The following PFDN2 variants were observed in gnomAD, a reference collection of about 807,000 sequenced individuals.
PFDN2 encodes prefoldin subunit 2, also known as prefoldin 2.
PFDN2 carries 7 observed loss-of-function variants against 18.3 expected under a neutral mutation model. The observed-to-expected ratio is 0.38, with a 90% CI of 0.22 to 0.72. The LOEUF (loss-of-function observed/expected upper bound fraction) is 0.72, where lower values mean the gene tolerates loss of function less well. PFDN2 is among the 30% of genes least tolerant of loss of function. The pLI, the probability that PFDN2 is intolerant of heterozygous loss-of-function variation, is 0.47. For synonymous variants in PFDN2, 76 were observed against 75.0 expected (o/e 1.01, Z -0.07); for missense variants, 181 against 199.1 (o/e 0.91, Z 0.55).
In PFDN2 at chr1:161,100,735, T is replaced by G. The variant is rs149807446; in HGVS notation, c.413A>C (p.Asn138Thr). Residue 138 changes from asparagine (N) to threonine (T), a missense_variant, in exon 4 of 4, where the codon AAC (asparagine) becomes ACC (threonine). Coordinates refer to ENST00000368010, the MANE Select transcript of PFDN2 (RefSeq NM_012394.4). ...GGCCTTAGCCCCAGCCCCTTCTGAG[T>G]TTTCCTTGGCTGCTGGCTTCTCATC... The part of the protein sequence containing the change: ...GEDEKPAAKE[N>T]SEGAGAKASS... 6.2e-7 allele frequency: 1 copy of G among 1,614,074 alleles called. No individual in the cohort carries two copies. Among genetic ancestry groups the G allele is most frequent in the South Asian group, 1.1e-5 (1 of 91,070 alleles).
intron 1 of PFDN2, among the ~76,000 whole-genome samples, chr1:161,103,726 A>G (rs1654625264): frequency 6.7e-6 from 1 of 149,988 alleles, no homozygotes; most frequent in African/African-American, 2.4e-5. Flanking sequence ...AAAGTTGGTC[A>G]AAGTTGGTTT....
At chr1:161,117,682 C>T (rs1368917234) in intron 1 of PFDN2, among the ~76,000 whole-genome samples, 1 of 152,164 alleles carries the variant, frequency 6.6e-6, no homozygotes, top group Non-Finnish European at 1.5e-5. Flanking sequence ...AAACCATCTC[C>T]CCTCAGACCT....
At position 161,117,985 on chromosome 1, in the gene PFDN2, G is replaced by T. The variant is rs375173230; in HGVS notation, c.42C>A (p.Ser14Arg). The change falls in exon 1 of 4, where the codon AGC (serine) becomes AGA (arginine). Residue 14 changes from serine (S) to arginine (R), a missense_variant. Physicochemically the swap from Ser to Arg is moderately radical, Grantham distance 110. Coordinates refer to ENST00000368010, the MANE Select transcript of PFDN2 (RefSeq NM_012394.4). ...NSGRAGKSSGSGAGKGAVSAE... is the reference protein window; with the variant it reads ...NSGRAGKSSGRGAGKGAVSAE... ...CGGACACCGCCCCCTTCCCCGCGCC[G>T]CTCCCGCTGCTCTTGCCGGCGCGAC... The T allele has an allele frequency of 1.9e-6, 3 of 1,612,272 alleles. No individual in the cohort carries two copies. Among genetic ancestry groups the T allele is most frequent in the South Asian group, 1.1e-5 (1 of 90,950 alleles).
intron 1 of PFDN2, 128 bp downstream of exon 1, chr1:161,117,824 C>A (rs1416154890): frequency 3.5e-6 from 3 of 853,258 alleles, no homozygotes; most frequent in African/African-American, 3.5e-5. Flanking sequence ...TTTCCGGGGA[C>A]CCTTCCCTCT....
At chr1:161,113,294 T>C (rs2101706931) in intron 1 of PFDN2, among the ~76,000 whole-genome samples, 1 of 152,274 alleles carries the variant, frequency 6.6e-6, no homozygotes, top group East Asian at 1.9e-4. Context: ...TCCTTCAGGG[T>C]TCTGCTCAAA....
intron 1 of PFDN2, among the ~76,000 whole-genome samples, chr1:161,112,018 G>A (rs2101706106): frequency 6.6e-6 from 1 of 152,272 alleles, no homozygotes; most frequent in Admixed American, 6.5e-5. Context: ...ACAAGTTAGA[G>A]GAAGGAGCTT....
chr1:161,102,734 C>T (rs992578587), intron 1 of PFDN2, among the ~76,000 whole-genome samples: 2 of 151,912 alleles, frequency 1.3e-5, no homozygotes, highest in African/African-American at 2.4e-5. Context: ...CCAAGGCAGG[C>T]GGATCACAAG....
chr1:161,112,446 G>C (rs1310731540), intron 1 of PFDN2, among the ~76,000 whole-genome samples: 1 of 152,100 alleles, frequency 6.6e-6, no homozygotes, highest in South Asian at 2.1e-4. Flanking sequence ...TTTTAAAGAT[G>C]GGGTCTCCCT....
At chr1:161,113,400 A>G (rs1305401055) in intron 1 of PFDN2, among the ~76,000 whole-genome samples, 1 of 152,238 alleles carries the variant, frequency 6.6e-6, no homozygotes, top group Non-Finnish European at 1.5e-5. Flanking sequence ...ACCTTGGGCA[A>G]GTTAACTAAA....
intron 1 of PFDN2, among the ~76,000 whole-genome samples, chr1:161,113,327 T>C (rs1168187313): frequency 6.6e-6 from 1 of 152,184 alleles, no homozygotes. Context: ...AATCATGGCA[T>C]AAGTGAAAAA....
chr1:161,101,759 C>T (rs1654567281), intron 3 of PFDN2, among the ~76,000 whole-genome samples: 1 of 151,758 alleles, frequency 6.6e-6, no homozygotes, highest in South Asian at 2.1e-4. Flanking sequence ...TTTATGCTGC[C>T]CTCCTTTTAT....
At chr1:161,102,883 G>A (rs558758375) in intron 1 of PFDN2, among the ~76,000 whole-genome samples, 51 of 151,838 alleles carry the variant, frequency 3.4e-4, no homozygotes, top group African/African-American at 1.1e-3. Context: ...ATTTGAACCC[G>A]GGAGGCAGAG....
At chr1:161,108,769 TTA>T (rs1469707523) in intron 1 of PFDN2, among the ~76,000 whole-genome samples, 4 of 152,156 alleles carry the variant, frequency 2.6e-5, no homozygotes, top group Non-Finnish European at 5.9e-5. Context: ...AATATCATGA[TTA>T]TATCTCTTCT....
intron 1 of PFDN2, 144 bp downstream of exon 1, chr1:161,117,808 C>T (rs137945835): frequency 3.4e-5 from 25 of 738,474 alleles, no homozygotes; most frequent in South Asian, 3.1e-4. Flanking sequence ...AGGGGTTCGG[C>T]TAGCTTTTCC....
At chr1:161,102,247 C>T (rs1009866418) in intron 2 of PFDN2, 40 bp downstream of exon 2, 10 of 1,610,944 alleles carry the variant, frequency 6.2e-6, no homozygotes, top group African/African-American at 1.3e-5. Flanking sequence ...GAGTAGCCCA[C>T]ACAACTGTCC....
rs766720552 is a variant in PFDN2, at chr1:161,118,014, T to C, written c.13A>G (p.Ser5Gly). 1.4e-5 allele frequency: 22 copies of C among 1,612,034 alleles called. No individual in the cohort carries two copies. The East Asian group carries it at 3.8e-4, about 28-fold the overall frequency. MAEN[S>G]GRAGKSSGSG... ...CCGCTGCTCTTGCCGGCGCGACCGC[T>C]GTTCTCCGCCATCTTCGCCGCCTGC... The change falls in exon 1 of 4, where the codon AGC becomes GGC. Residue 5 changes from serine to glycine, a missense_variant. Coordinates refer to ENST00000368010, the MANE Select transcript of PFDN2 (RefSeq NM_012394.4).
rs748523035 is a variant in PFDN2 at position 161,102,028 on chromosome 1, A to G, written c.288+20T>C. The G allele has an allele frequency of 6.2e-7, 1 of 1,613,882 alleles. No homozygotes were observed. Among genetic ancestry groups the G allele is most frequent in the African/African-American group, 1.3e-5 (1 of 75,006 alleles). On this transcript the variant is annotated intron_variant, in intron 3 of 3. Coordinates refer to ENST00000368010, the MANE Select transcript of PFDN2 (RefSeq NM_012394.4). ...GTTTACAGCCACTGTACCCGATCCT[A>G]TTCAATGATTCTTGCTCACCTGCTC...
intron 1 of PFDN2, among the ~76,000 whole-genome samples, chr1:161,110,861 A>G (rs1553226556): frequency 9.0e-6 from 1 of 110,498 alleles, no homozygotes; most frequent in Non-Finnish European, 1.7e-5. Flanking sequence ...TTTTTTTGAG[A>G]TGGAGTCTCG....
chr1:161,106,520 T>C (rs1480460255), intron 1 of PFDN2, among the ~76,000 whole-genome samples: 4 of 152,192 alleles, frequency 2.6e-5, no homozygotes, highest in Non-Finnish European at 1.5e-5. Context: ...CTAATTATCC[T>C]TCCCTTTCCT....
Sources: allele counts gnomAD v4.1 joint callset (sites outside exome capture counted in the v4.1 genomes callset), GRCh38; gene constraint gnomAD v4.1.1; transcripts MANE v1.5; gene names NCBI Gene and HGNC (gene_info 2026-07-23, HGNC 2026-07-21).